Variants in MYO19 observed in about 807,000 individuals in gnomAD.
MYO19 encodes myosin XIX, also known as unconventional myosin-XIX.
A neutral mutation model predicts 129.2 loss-of-function variants in MYO19; 132 were observed. That is an observed-to-expected ratio of 1.02 (90% CI 0.89 to 1.18). The LOEUF (loss-of-function observed/expected upper bound fraction) is 1.18. MYO19 is among the 50% of genes most tolerant of loss of function. The pLI is 0.00. For missense variants in MYO19, 1,210 were observed against 1,216.7 expected, an observed-to-expected ratio of 0.99 and a Z score of 0.08; for synonymous variants, 531 against 477.2, an observed-to-expected ratio of 1.11 and a Z score of -1.47.
intron 6 of MYO19, among the ~76,000 whole-genome samples, chr17:36,522,898 C>T (rs1029903288): frequency 6.6e-5 from 10 of 151,140 alleles, no homozygotes; most frequent in Admixed American, 4.0e-4. Flanking sequence ...CCCAGCTACT[C>T]GGGAGGCTGA....
At chr17:36,543,211 A>T (rs2074207962) in exon 1 of MYO19, 1 of 152,022 alleles carries the variant, frequency 6.6e-6, no homozygotes, top group Admixed American at 6.5e-5. Context: ...GCCGGAGCAC[A>T]ATGGCGCGAT....
intron 8 of MYO19, 111 bp from the exon 9 acceptor site, chr17:36,514,659 T>G: frequency 6.9e-6 from 5 of 719,928 alleles, no homozygotes; most frequent in Non-Finnish European, 1.2e-5. Flanking sequence ...CGCCAAGCTC[T>G]TCCACTTAGC....
At position 36,507,422 on chromosome 17, in the gene MYO19, T is replaced by C. The variant is rs775046998; in HGVS notation, c.1444A>G (p.Ser482Gly). ...ACCTCATTTATGAGGGAGCAGATGC[T>C]GATGGGGCTTCCCTCAATGAGATCC... ...CLDLIEGSPISICSLINEECR... is the reference protein window; with the variant it reads ...CLDLIEGSPIGICSLINEECR... Residue 482 changes from serine to glycine, a missense_variant, in exon 16 of 26, where the codon AGC (serine) becomes GGC (glycine). By Grantham distance (56) the Ser-to-Gly change is moderately conservative. Coordinates refer to ENST00000614623, the MANE Select transcript of MYO19 (RefSeq NM_001163735.2). 3 of 1,613,658 alleles carry C rather than the reference T, an allele frequency of 1.9e-6. No homozygotes were observed. The South Asian group carries it at 3.3e-5, about 18-fold the overall frequency.
chr17:36,507,909 T>C lies in MYO19; in HGVS notation c.1247A>G (p.Tyr416Cys), dbSNP rs780703014. Residue 416 changes from tyrosine to cysteine, a missense_variant, in exon 15 of 26, where the codon TAT (tyrosine) becomes TGT (cysteine). Physicochemically the swap from Tyr to Cys is radical, Grantham distance 194 (BLOSUM62 -2). Coordinates refer to ENST00000614623, the MANE Select transcript of MYO19 (RefSeq NM_001163735.2). ...WTTFIGLLDV[Y>C]GFESFPDNSL... ...GTTGTCAGGAAATGATTCAAATCCATACACATCCAGCAGGCCTGGGAAGAT... is the reference window on the plus strand; with the variant it reads ...GTTGTCAGGAAATGATTCAAATCCACACACATCCAGCAGGCCTGGGAAGAT... 112 of 1,607,708 alleles carry C rather than the reference T, an allele frequency of 7.0e-5. No homozygotes were observed. Among genetic ancestry groups the C allele is most frequent in the Non-Finnish European group, 8.8e-5 (103 of 1,175,420 alleles).
chr17:36,526,505 A>G (rs142336885), intron 5 of MYO19, among the ~76,000 whole-genome samples: 147 of 152,296 alleles, frequency 9.7e-4, no homozygotes, highest in African/African-American at 3.4e-3. Flanking sequence ...TTTCTCAGTA[A>G]AAGAATAAGT....
At chr17:36,533,780 C>G (rs1344390652) in intron 2 of MYO19, 173 bp downstream of exon 2, 1 of 152,314 alleles carries the variant, frequency 6.6e-6, no homozygotes, top group Non-Finnish European at 1.5e-5. Flanking sequence ...GGGAACTCAT[C>G]TCAAGCAATA....
At chr17:36,525,619 C>T (rs370944359) in intron 5 of MYO19, among the ~76,000 whole-genome samples, 1 of 152,196 alleles carries the variant, frequency 6.6e-6, no homozygotes, top group East Asian at 1.9e-4. Flanking sequence ...TTGTCTTATC[C>T]TTCTGCCTAT....
intron 24 of MYO19, 126 bp from the exon 25 acceptor site, chr17:36,498,685 G>T: frequency 8.5e-7 from 1 of 1,170,142 alleles, no homozygotes. Flanking sequence ...GTTGCAAACA[G>T]CTGGCTGCCC....
At chr17:36,512,008 G>A (rs1041941936) in intron 11 of MYO19, among the ~76,000 whole-genome samples, 2 of 152,054 alleles carry the variant, frequency 1.3e-5, no homozygotes, top group African/African-American at 4.8e-5. Flanking sequence ...GCCCCCTGGG[G>A]CTATAGACAG....
In MYO19 at chr17:36,532,567, T is replaced by G; in HGVS notation, c.-29A>C. 1.3e-6 allele frequency: 2 copies of G among 1,553,638 alleles called. No homozygotes were observed. The highest frequency in any genetic ancestry group is 1.7e-6 in the Non-Finnish European group (2 of 1,148,114). On this transcript the variant is annotated 5_prime_UTR_variant, in exon 3 of 26. Coordinates refer to ENST00000614623, the MANE Select transcript of MYO19 (RefSeq NM_001163735.2). ...CCTTCAAAGTGGTCAGCCAGGGTTCTGGGTTGCAGGAGGTACAAGGAGTAC... is the reference window on the plus strand; with the variant it reads ...CCTTCAAAGTGGTCAGCCAGGGTTCGGGGTTGCAGGAGGTACAAGGAGTAC...
At chr17:36,532,761 G>A in intron 2 of MYO19, 80 bp from the exon 3 acceptor site, 1 of 606,664 alleles carries the variant, frequency 1.6e-6, no homozygotes, top group South Asian at 2.0e-5. Flanking sequence ...TTCCCACCTA[G>A]CAGAAGCAAC....
chr17:36,530,222 G>C (rs1391896224), intron 3 of MYO19, among the ~76,000 whole-genome samples: 5 of 152,162 alleles, frequency 3.3e-5, no homozygotes, highest in Non-Finnish European at 7.4e-5. Flanking sequence ...TGAGGCAGGA[G>C]GGTTGCTTCA....
In MYO19 at chr17:36,513,745, G is replaced by A. The variant is rs368147421; in HGVS notation, c.721-20C>T. On this transcript the variant is annotated intron_variant, in intron 9 of 25. Coordinates refer to ENST00000614623, the MANE Select transcript of MYO19 (RefSeq NM_001163735.2). ...GCAAATCTGTGGAGAAGGGTAGGTG[G>A]GAGGCTGGGTAGGGGGTCTGAGAAA... The A allele has an allele frequency of 4.4e-6, 7 of 1,608,114 alleles. No individual in the cohort carries two copies. The highest frequency in any genetic ancestry group is 2.7e-5 in the African/African-American group (2 of 74,928).
chr17:36,500,520 A>G, intron 23 of MYO19: 1 of 347,312 alleles, frequency 2.9e-6, no homozygotes, highest in East Asian at 4.6e-5. Context: ...TTGAGTTGTC[A>G]TAAAGGGAAA....
At chr17:36,515,802 T>TG in intron 7 of MYO19, 56 bp downstream of exon 7, 1 of 1,561,708 alleles carries the variant, frequency 6.4e-7, no homozygotes, top group Non-Finnish European at 8.7e-7. Flanking sequence ...CCCTGGAAGG[T>TG]GGAAAATCCC....
At chr17:36,521,881 A>C (rs1194049699) in intron 6 of MYO19, among the ~76,000 whole-genome samples, 2 of 151,974 alleles carry the variant, frequency 1.3e-5, no homozygotes, top group Non-Finnish European at 2.9e-5. Context: ...AAATACAAAA[A>C]TTAGCTGGGT....
Position 36,496,199 on chromosome 17 carries a change from T to C in MYO19, c.*52A>G. ...GCAGCTGTGTGCTGATTAAATGTCT[T>C]TGGCAAGGCAGGGGGCAGGAAAAGG... On this transcript the variant is annotated 3_prime_UTR_variant, in exon 26 of 26. Coordinates refer to ENST00000614623, the MANE Select transcript of MYO19 (RefSeq NM_001163735.2). 1 of 1,604,780 alleles carries C rather than the reference T, an allele frequency of 6.2e-7. No homozygotes were observed. The highest frequency in any genetic ancestry group is 8.5e-7 in the Non-Finnish European group (1 of 1,173,848).
Position 36,510,829 on chromosome 17 carries a change from T to TCTGC in MYO19, c.1070_1073dup (p.Gln360ThrfsTer15), listed in dbSNP as rs1172821099. 1 of 1,585,162 alleles carries TCTGC rather than the reference T, an allele frequency of 6.3e-7. No individual in the cohort carries two copies. Among genetic ancestry groups the TCTGC allele is most frequent in the Non-Finnish European group, 8.6e-7 (1 of 1,165,594 alleles). ...AGGGCTTCCGGAACACCTGCTGCTG[T>TCTGC]CTGCCTGCCCTGATGGTTCTAATCT... On this transcript the variant is annotated frameshift_variant, in exon 13 of 26. Coordinates refer to ENST00000614623, the MANE Select transcript of MYO19 (RefSeq NM_001163735.2). LOFTEE classifies it high-confidence loss of function.
chr17:36,497,914 C>A, intron 25 of MYO19: 1 of 256,394 alleles, frequency 3.9e-6, no homozygotes. Flanking sequence ...CCTCCTGCTC[C>A]TGACTCATCT....
Sources: gnomAD v4.1 joint callset for allele counts (sites outside exome capture counted in the v4.1 genomes callset) on GRCh38, gnomAD v4.1.1 for gene constraint, MANE v1.5 for transcripts, NCBI Gene and HGNC (gene_info 2026-07-23, HGNC 2026-07-21) for gene names.